UBALD1: variants seen among roughly 807,000 people sequenced by gnomAD.
UBALD1 encodes UBA like domain containing 1.
In UBALD1, 5 loss-of-function variants were observed where a neutral mutation model predicts 16.1. The observed-to-expected ratio is 0.31, with a 90% CI of 0.16 to 0.66. The LOEUF is 0.66. Among genes scored for constraint, UBALD1 ranks in the 30% least tolerant of loss-of-function variants. UBALD1 has a pLI of 0.77. For synonymous variants in UBALD1, 146 were observed against 105.3 expected (o/e 1.39, Z -2.37); for missense variants, 220 against 252.8 (o/e 0.87, Z 0.88).
In UBALD1 at chr16:4,609,719, A is replaced by C. The variant is rs769582297; in HGVS notation, c.448T>G (p.Ser150Ala). Reference protein sequence around the residue: ...QPPLWTPTPPSPASDWPPLAP... With the variant: ...QPPLWTPTPPAPASDWPPLAP... ...AGGGGTGGCCAGTCTGAAGCCGGAG[A>C]AGGGGGTGTTGGAGTCCACAGGGGC... The change falls in exon 3 of 3, where the codon TCT (serine) becomes GCT (alanine). Residue 150 changes from serine (S) to alanine (A), a missense_variant. Coordinates refer to ENST00000283474, the MANE Select transcript of UBALD1 (RefSeq NM_145253.3). 9.5e-6 allele frequency: 14 copies of C among 1,469,824 alleles called. No individual in the cohort carries two copies. Among genetic ancestry groups the C allele is most frequent in the Non-Finnish European group, 1.3e-5 (14 of 1,111,692 alleles). 91.0% of individuals were successfully genotyped at this position (1,469,824 alleles called of 1,614,324 possible).
intron 2 of UBALD1, chr16:4,610,285 AG>A: frequency 1.4e-6 from 1 of 714,460 alleles, no homozygotes; most frequent in Non-Finnish European, 2.5e-6. Context: ...CCCAGAGGCC[AG>A]CGCCCCCCAG....
chr16:4,614,803 C>T lies in UBALD1; in HGVS notation c.-6G>A. Reference sequence around the variant, plus strand: ...TCGTCCATGTTCACGGACATGGCGCCGCCGCGCTGCCCGCTCCGGCCTCCC... The same window carrying T: ...TCGTCCATGTTCACGGACATGGCGCTGCCGCGCTGCCCGCTCCGGCCTCCC... On this transcript the variant is annotated 5_prime_UTR_variant, in exon 1 of 3. Transcript: ENST00000283474. The T allele has an allele frequency of 6.7e-7, 1 of 1,498,974 alleles. No homozygotes were observed. The highest frequency in any genetic ancestry group is 1.3e-5 in the South Asian group (1 of 76,894). The allele number at this position is 1,498,974 out of a possible 1,614,324, so 92.9% of individuals were successfully genotyped here.
rs1332279501 is a variant in UBALD1 at position 4,609,103 on chromosome 16, G to C, written c.*530C>G. 4 of 150,334 alleles carry C rather than the reference G, an allele frequency of 2.7e-5. No homozygotes were observed. Among genetic ancestry groups the C allele is most frequent in the Non-Finnish European group, 4.4e-5 (3 of 67,558 alleles). 9.3% of individuals were successfully genotyped at this position (150,334 alleles called of 1,614,324 possible). Reference sequence around the variant, plus strand: ...GGCAGGGCCCTGGGGAGGGGGCGGCGGGCAGGGGGCTGGGGGCTCACACTA... The same window carrying C: ...GGCAGGGCCCTGGGGAGGGGGCGGCCGGCAGGGGGCTGGGGGCTCACACTA... On this transcript the variant is annotated 3_prime_UTR_variant, in exon 3 of 3. Transcript: ENST00000283474.
At chr16:4,610,672 G>T in intron 1 of UBALD1, 117 bp from the exon 2 acceptor site, 1 of 1,127,936 alleles carries the variant, frequency 8.9e-7, no homozygotes, top group Non-Finnish European at 1.3e-6. Context: ...GAGTGGGAGG[G>T]GTGAGTCGCG....
intron 1 of UBALD1, among the ~76,000 whole-genome samples, chr16:4,611,788 G>A (rs1897360767): frequency 6.6e-6 from 1 of 152,190 alleles, no homozygotes; most frequent in South Asian, 2.1e-4. Flanking sequence ...GCCCTGCAGG[G>A]GTGGGGAGGC....
intron 1 of UBALD1, 121 bp downstream of exon 1, chr16:4,614,557 T>G (rs1487315012): frequency 7.7e-7 from 1 of 1,294,662 alleles, no homozygotes; most frequent in Non-Finnish European, 9.9e-7. Flanking sequence ...GCGGGTCGGG[T>G]CTGCGGCCCG....
chr16:4,612,254 G>C (rs1243749079), intron 1 of UBALD1, among the ~76,000 whole-genome samples: 1 of 151,906 alleles, frequency 6.6e-6, no homozygotes, highest in Non-Finnish European at 1.5e-5. Flanking sequence ...AGTAGAGATG[G>C]GGTTTCACCA....
chr16:4,614,400 G>A (rs1294144025), intron 1 of UBALD1: 5 of 332,712 alleles, frequency 1.5e-5, no homozygotes, highest in African/African-American at 2.7e-5. Context: ...CCGTTACCCG[G>A]ACAAAAGGGG....
Position 4,609,905 on chromosome 16 carries a change from A to T in UBALD1, c.262T>A (p.Ser88Thr). ...CTGCCACCGCTGTGGAAGCTCTCGG[A>T]GGCCTTGAGACGGGAGAACATGGTG... ...ALTMFSRLKA[S>T]ESFHSGGSGS... The change falls in exon 3 of 3, where the codon TCC becomes ACC. Residue 88 changes from serine (S) to threonine (T), a missense_variant. Physicochemically the swap from Ser to Thr is moderately conservative, Grantham distance 58. Around this residue, in one of 2 missense-constraint regions of UBALD1, gnomAD observed 151 missense variants for 132.6 expected, o/e 1.14. Transcript: ENST00000283474. 1 of 1,570,852 alleles carries T rather than the reference A, an allele frequency of 6.4e-7. No homozygotes were observed. The highest frequency in any genetic ancestry group is 1.5e-5 in the African/African-American group (1 of 68,422).
intron 1 of UBALD1, among the ~76,000 whole-genome samples, chr16:4,612,778 A>T (rs1362378508): frequency 6.6e-6 from 1 of 152,034 alleles, no homozygotes; most frequent in Non-Finnish European, 1.5e-5. Flanking sequence ...ACTCAGCCCC[A>T]TTCCAAGGCC....
chr16:4,609,577 C>A lies in UBALD1; in HGVS notation c.*56G>T, dbSNP rs746291942. 10 of 772,816 alleles carry A rather than the reference C, an allele frequency of 1.3e-5. No homozygotes were observed. The Admixed American group carries it at 2.1e-4, about 16-fold the overall frequency. 47.9% of individuals were successfully genotyped at this position (772,816 alleles called of 1,614,324 possible). On this transcript the variant is annotated 3_prime_UTR_variant, in exon 3 of 3. Transcript: ENST00000283474. ...AAGGGGTGAAGGGGGCCCGCAGAGA[C>A]GTCCTCTCCCCCGCCCCACGGGGTC... is the stretch of plus-strand genomic sequence containing the variant.
rs781647475 is a variant in UBALD1 at position 4,609,832 on chromosome 16, G to A, written c.335C>T (p.Pro112Leu). Residue 112 changes from proline to leucine, a missense_variant, in exon 3 of 3, where the codon CCC (proline) becomes CTC (leucine). Transcript: ENST00000283474. ...ATATSPPPHF[P>L]HAATSSSAAS... Reference sequence around the variant, plus strand: ...CGCAGAGCTGCTGGTGGCGGCATGGGGGAAGTGTGGCGGGGGTGACGTGGC... The same window carrying A: ...CGCAGAGCTGCTGGTGGCGGCATGGAGGAAGTGTGGCGGGGGTGACGTGGC... The A allele has an allele frequency of 6.5e-7, 1 of 1,532,742 alleles. No individual in the cohort carries two copies. The highest frequency in any genetic ancestry group is 8.8e-7 in the Non-Finnish European group (1 of 1,140,138). 94.9% of individuals were successfully genotyped at this position (1,532,742 alleles called of 1,614,324 possible).
chr16:4,614,162 C>G (rs1478388723), intron 1 of UBALD1: 1 of 233,152 alleles, frequency 4.3e-6, no homozygotes, highest in African/African-American at 2.3e-5. Context: ...CCCGCAGGTC[C>G]GCCACCTCCC....
rs533831977 is a variant in UBALD1, at chr16:4,614,622, C to A, written c.120+56G>T. ...GCCGTCCGCCCCCGCCCGGCGGCCA[C>A]GCGGGACACACTCCGCCCGTGGCCC... On this transcript the variant is annotated intron_variant, in intron 1 of 2. Transcript: ENST00000283474. 1.3e-5 allele frequency: 17 copies of A among 1,331,028 alleles called. No individual in the cohort carries two copies. The African/African-American group carries it at 2.3e-4, about 18-fold the overall frequency. The allele number at this position is 1,331,028 out of a possible 1,614,324, so 82.5% of individuals were successfully genotyped here.
intron 1 of UBALD1, chr16:4,610,984 A>C: frequency 2.7e-6 from 1 of 365,394 alleles, no homozygotes; most frequent in Non-Finnish European, 4.9e-6. Context: ...TACCACCTCA[A>C]CGGGTAGCAA....
At chr16:4,614,618 G>A (rs991151070) in intron 1 of UBALD1, 60 bp downstream of exon 1, 21 of 1,298,858 alleles carry the variant, frequency 1.6e-5, no homozygotes, top group Admixed American at 4.2e-5. Flanking sequence ...CCGCCCGGCG[G>A]CCACGCGGGA....
At chr16:4,613,270 C>T (rs937331999) in intron 1 of UBALD1, among the ~76,000 whole-genome samples, 24 of 152,158 alleles carry the variant, frequency 1.6e-4, no homozygotes, top group Non-Finnish European at 1.0e-4. Flanking sequence ...GGGCAGTAAG[C>T]TGGCCAACAG....
chr16:4,612,060 T>C (rs1044170901), intron 1 of UBALD1, among the ~76,000 whole-genome samples: 24 of 139,392 alleles, frequency 1.7e-4, no homozygotes, highest in Non-Finnish European at 3.1e-4. Flanking sequence ...GGAGGCTATT[T>C]AGATTTTTTT....
In UBALD1 at chr16:4,614,744, C is replaced by T. The variant is rs1418408382; in HGVS notation, c.54G>A (p.Val18=). 2 of 1,561,474 alleles carry T rather than the reference C, an allele frequency of 1.3e-6. No individual in the cohort carries two copies. Residue 18 remains valine, a synonymous_variant, in exon 1 of 3, where the codon GTG becomes GTA. Transcript: ENST00000283474. ...LKHQVMINQF[V]LTAGCAADQA... The stretch of plus-strand genomic sequence containing the variant: ...GGTCGGCCGCGCAGCCCGCCGTCAG[C>T]ACGAACTGGTTGATCATGACCTGGT...
Sources: allele counts gnomAD v4.1 joint callset (sites outside exome capture counted in the v4.1 genomes callset), GRCh38; gene constraint gnomAD v4.1.1; regional missense constraint gnomAD v4.1.1; transcripts MANE v1.5; gene names NCBI Gene and HGNC (gene_info 2026-07-23, HGNC 2026-07-21).